FAM228B: variants seen among roughly 807,000 people sequenced by gnomAD.
The protein encoded by FAM228B is family with sequence similarity 228 member B, also known as protein FAM228B.
A neutral mutation model predicts 42.6 loss-of-function variants in FAM228B; 38 were observed. The ratio of observed to expected loss-of-function variants is 0.89; its 90% CI spans 0.69 to 1.17. FAM228B has a LOEUF of 1.17. Ranked by LOEUF, FAM228B falls within the 50% of genes most tolerant of loss-of-function variation. FAM228B has a pLI of 0.00. For missense variants in FAM228B, 344 were observed against 367.3 expected, an observed-to-expected ratio of 0.94 and a Z score of 0.52; for synonymous variants, 109 against 122.3, an observed-to-expected ratio of 0.89 and a Z score of 0.72.
At chr2:24,122,599 G>C, upstream of FAM228B, 3 of 1,092,758 alleles carry the variant, frequency 2.7e-6, no homozygotes, top group Admixed American at 5.6e-5. Context: ...CTTTTAAAAG[G>C]CATGTGAATA....
At chr2:24,078,458 A>G (rs996753627) in intron 1 of FAM228B, among the ~76,000 whole-genome samples, 9 of 145,154 alleles carry the variant, frequency 6.2e-5, no homozygotes, top group Non-Finnish European at 1.5e-5. Context: ...AGCCTGGGTG[A>G]CAGAGTAAGA....
chr2:24,106,223 G>A (rs1456392897), intron 3 of FAM228B, among the ~76,000 whole-genome samples: 2 of 151,616 alleles, frequency 1.3e-5, no homozygotes, highest in South Asian at 2.1e-4. Flanking sequence ...GAAAGGGCAG[G>A]TTACCTACAA....
At chr2:24,100,659 TTGG>T (rs1573737114) in intron 3 of FAM228B, among the ~76,000 whole-genome samples, 1 of 152,222 alleles carries the variant, frequency 6.6e-6, no homozygotes, top group Admixed American at 6.5e-5. Flanking sequence ...TTTTACACTG[TTGG>T]TGGGAGTGTA....
intron 3 of FAM228B, among the ~76,000 whole-genome samples, chr2:24,116,991 A>T (rs1665938907): frequency 6.6e-6 from 1 of 150,962 alleles, no homozygotes; most frequent in South Asian, 2.1e-4. Flanking sequence ...TCTCTAATAT[A>T]TTTATTTTAA....
At chr2:24,135,363 C>T (rs765844402) in intron 3 of FAM228B, among the ~76,000 whole-genome samples, 176 bp downstream of exon 3, 4 of 152,208 alleles carry the variant, frequency 2.6e-5, no homozygotes, top group Non-Finnish European at 5.9e-5. Flanking sequence ...AATGGACTTC[C>T]TCCCTTCCTA....
At chr2:24,119,441 A>G, upstream of FAM228B, 1 of 617,568 alleles carries the variant, frequency 1.6e-6, no homozygotes. Flanking sequence ...TCCAGTGGCT[A>G]TGTAAATAAC....
intron 6 of FAM228B, 32 bp downstream of exon 6, chr2:24,146,867 T>A: frequency 1.9e-6 from 3 of 1,540,816 alleles, no homozygotes; most frequent in Non-Finnish European, 2.6e-6. Context: ...TGTGATTTCA[T>A]AGCCCAAGAG....
chr2:24,109,207 T>C (rs1665750339), intron 3 of FAM228B, among the ~76,000 whole-genome samples: 1 of 149,674 alleles, frequency 6.7e-6, no homozygotes, highest in Non-Finnish European at 1.5e-5. Context: ...AAGTACTCCT[T>C]ATTCAATAAA....
Position 24,077,714 on chromosome 2 carries a change from G to T in FAM228B, c.-290+745G>T. 1 of 1,614,098 alleles carries T rather than the reference G, an allele frequency of 6.2e-7. No homozygotes were observed. The highest frequency in any genetic ancestry group is 8.5e-7 in the Non-Finnish European group (1 of 1,179,966). ...GACGTTGGGGGCCCTCCGTGGAGAA[G>T]TGAGGCAGAATTTGCTCCGTGAAAG... On this transcript the variant is annotated intron_variant, in intron 1 of 10. Transcript: ENST00000613899. The surrounding 1 kb of genome is among the most constrained non-coding windows in gnomAD (Gnocchi z 5.5).
intron 1 of FAM228B, chr2:24,079,699 G>A (rs1664917646): frequency 1.3e-6 from 2 of 1,518,956 alleles, no homozygotes. Context: ...AGATACCATG[G>A]TATATTTGGG....
At chr2:24,166,843 G>A (rs891335103) in intron 9 of FAM228B, among the ~76,000 whole-genome samples, 1 of 152,118 alleles carries the variant, frequency 6.6e-6, no homozygotes, top group Non-Finnish European at 1.5e-5. Context: ...TCTGGGGAAA[G>A]AGTGTTGCGC....
At chr2:24,101,743 C>A (rs967282179) in intron 3 of FAM228B, among the ~76,000 whole-genome samples, 2 of 152,236 alleles carry the variant, frequency 1.3e-5, no homozygotes, top group South Asian at 2.1e-4. Context: ...AGTGCACTGG[C>A]GCGATCTCAG....
intron 2 of FAM228B, chr2:24,083,126 T>A (rs767848250): frequency 6.2e-7 from 1 of 1,613,152 alleles, no homozygotes; most frequent in Non-Finnish European, 8.5e-7. Flanking sequence ...TGCTGGCTCC[T>A]GGAGGTGGGT....
At chr2:24,125,736 G>T (rs1666293936) in intron 2 of FAM228B, among the ~76,000 whole-genome samples, 1 of 151,808 alleles carries the variant, frequency 6.6e-6, no homozygotes, top group African/African-American at 2.4e-5. Context: ...AATTTTTTTG[G>T]ATTTTTAGTA....
chr2:24,086,592 C>T (rs901058466), intron 2 of FAM228B, among the ~76,000 whole-genome samples: 16 of 151,680 alleles, frequency 1.1e-4, no homozygotes, highest in African/African-American at 3.9e-4. Context: ...TCTCAAACTC[C>T]TGGACTCAAG....
In FAM228B at chr2:24,131,420, G is replaced by A. The variant is rs148558894; in HGVS notation, c.100-3699G>A. On this transcript the variant is annotated intron_variant, in intron 2 of 10. Transcript: ENST00000615575. ...TTGAATCTATAAATTACTTTGGGTA[G>A]TGTGGCCATTTTCATGATATTGATT... 1.4e-3 allele frequency among the ~76,000 whole-genome samples: 213 copies of A among 152,268 alleles called. 5 individuals carry two copies. The East Asian group carries it at 0.033, about 24-fold the overall frequency.
At chr2:24,162,054 G>A (rs559519578) in intron 8 of FAM228B, among the ~76,000 whole-genome samples, 11 of 152,280 alleles carry the variant, frequency 7.2e-5, no homozygotes, top group African/African-American at 2.4e-4. Flanking sequence ...AGCCAAGATT[G>A]TGCCACTGCA....
chr2:24,155,574 C>T (rs2151027984), intron 7 of FAM228B, among the ~76,000 whole-genome samples: 1 of 113,714 alleles, frequency 8.8e-6, no homozygotes, highest in Admixed American at 1.0e-4. Context: ...GATTTTCGCG[C>T]CTGTTGCTCA....
At chr2:24,161,211 C>T (rs1355872910) in intron 7 of FAM228B, among the ~76,000 whole-genome samples, 1 of 152,100 alleles carries the variant, frequency 6.6e-6, no homozygotes, top group Non-Finnish European at 1.5e-5. Flanking sequence ...TTTAGGAGGC[C>T]GAGGCAGGAA....
Sources: allele counts gnomAD v4.1 joint callset (sites outside exome capture counted in the v4.1 genomes callset), GRCh38; gene constraint gnomAD v4.1.1; non-coding constraint Gnocchi (gnomAD v3.1); transcripts MANE v1.5; gene names NCBI Gene and HGNC (gene_info 2026-07-23, HGNC 2026-07-21).